NOL12: variants seen among roughly 807,000 people sequenced by gnomAD.
NOL12 encodes nucleolar protein 12.
A neutral mutation model predicts 25.2 loss-of-function variants in NOL12; 21 were observed. The ratio of observed to expected loss-of-function variants is 0.83; its 90% confidence interval spans 0.59 to 1.20. The LOEUF (loss-of-function observed/expected upper bound fraction) is 1.20, where lower values mean the gene tolerates loss of function less well. Ranked by LOEUF, NOL12 falls within the 50% of genes most tolerant of loss-of-function variation. The pLI is 0.00. For missense variants in NOL12, 286 were observed against 287.6 expected (o/e 0.99, Z 0.04); for synonymous variants, 133 against 113.8 (o/e 1.17, Z -1.08).
At chr22:37,688,706 A>G (rs1921928298) in intron 3 of NOL12, 144 bp from the exon 4 acceptor site, 1 of 780,130 alleles carries the variant, frequency 1.3e-6, no homozygotes, top group Non-Finnish European at 2.1e-6. Context: ...ATTCATCCAC[A>G]GACCAGGCTC....
Position 37,692,862 on chromosome 22 carries a change from C to T in NOL12, c.*1526C>T, listed in dbSNP as rs1278747056. 2.0e-5 allele frequency: 8 copies of T among 397,074 alleles called. No individual in the cohort carries two copies. Among genetic ancestry groups the T allele is most frequent in the Non-Finnish European group, 3.5e-5 (8 of 225,716 alleles). The allele number at this position is 397,074 out of a possible 1,614,324, so 24.6% of individuals were successfully genotyped here. On this transcript the variant is annotated 3_prime_UTR_variant, in exon 6 of 6. Coordinates refer to ENST00000359114, the MANE Select transcript of NOL12 (RefSeq NM_024313.3). ...CTGTACCTGGGAGTGGGCAGGCCCT[C>T]TCCCATGTCACCATCAAAACCCACT...
At chr22:37,687,074 C>T in intron 1 of NOL12, 2 of 985,386 alleles carry the variant, frequency 2.0e-6, no homozygotes, top group Non-Finnish European at 2.4e-6. Context: ...TGGGCATCAT[C>T]AGGAAACTCC....
In NOL12 at chr22:37,692,437, C is replaced by T; in HGVS notation, c.*1101C>T. ...CCAGAGTAGACCCTGCGGGTGCCAGCTAGAACTCCACAAGGGGCCATGTCT... is the reference window on the plus strand; with the variant it reads ...CCAGAGTAGACCCTGCGGGTGCCAGTTAGAACTCCACAAGGGGCCATGTCT... On this transcript the variant is annotated 3_prime_UTR_variant, in exon 6 of 6. Transcript: ENST00000359114. 2 of 398,646 alleles carry T rather than the reference C, an allele frequency of 5.0e-6. No individual in the cohort carries two copies. The highest frequency in any genetic ancestry group is 4.4e-6 in the Non-Finnish European group (1 of 226,086). The allele number at this position is 398,646 out of a possible 1,614,324, so 24.7% of individuals were successfully genotyped here. A position where few individuals can be genotyped will look rare whatever the true frequency, so the allele number is the denominator to read the frequency against.
In NOL12 at chr22:37,686,495, C is replaced by T. The variant is rs900398180; in HGVS notation, c.83+20C>T. On this transcript the variant is annotated intron_variant, in intron 1 of 5. Transcript: ENST00000359114. The stretch of plus-strand genomic sequence containing the variant: ...GAGGCGGTGAGTGGCAAAGCCGGAC[C>T]GGACTCCCCTCGAGCTGTTCTTCGC... 5 of 1,581,294 alleles carry T rather than the reference C, an allele frequency of 3.2e-6. No individual in the cohort carries two copies. Among genetic ancestry groups the T allele is most frequent in the East Asian group, 4.7e-5 (2 of 42,300 alleles).
chr22:37,689,537 A>C (rs896340626), intron 4 of NOL12, among the ~76,000 whole-genome samples: 2 of 151,664 alleles, frequency 1.3e-5, no homozygotes, highest in Non-Finnish European at 2.9e-5. Flanking sequence ...AATCAGCATA[A>C]AAAAAAAATA....
chr22:37,688,124 G>GTTTA (rs1390822580), intron 2 of NOL12, 109 bp downstream of exon 2: 15 of 1,122,224 alleles, frequency 1.3e-5, no homozygotes, highest in Non-Finnish European at 1.6e-5. Context: ...TGTGTGGGCA[G>GTTTA]GACTGGGGAA....
Position 37,687,940 on chromosome 22 carries a change from G to T in NOL12, c.114G>T (p.Lys38Asn). The change falls in exon 2 of 6, where the codon AAG (lysine) becomes AAT (asparagine). Residue 38 changes from lysine to asparagine, a missense_variant. Coordinates refer to ENST00000359114, the MANE Select transcript of NOL12 (RefSeq NM_024313.3). ...ACCTGACAGGCTTCCACAAGCGGAA[G>T]GTCGAGCGAAAGAAGGCAGCCATTG... Reference protein sequence around the residue: ...REYLTGFHKRKVERKKAAIEE... With the variant: ...REYLTGFHKRNVERKKAAIEE... 1 of 1,584,684 alleles carries T rather than the reference G, an allele frequency of 6.3e-7. No individual in the cohort carries two copies. The highest frequency in any genetic ancestry group is 8.6e-7 in the Non-Finnish European group (1 of 1,165,718).
At chr22:37,686,728 T>C (rs539188202) in intron 1 of NOL12, 2 of 985,318 alleles carry the variant, frequency 2.0e-6, no homozygotes, top group African/African-American at 1.7e-5. Context: ...CTCAGAGCAG[T>C]GGCTTCGACC....
chr22:37,688,058 G>A (rs759261391), intron 2 of NOL12, 43 bp downstream of exon 2: 2 of 1,490,370 alleles, frequency 1.3e-6, no homozygotes. Flanking sequence ...GATTCTTAGG[G>A]CACTTGCAGC....
intron 4 of NOL12, among the ~76,000 whole-genome samples, chr22:37,689,477 T>C (rs1452470679): frequency 6.6e-6 from 1 of 152,022 alleles, no homozygotes; most frequent in Non-Finnish European, 1.5e-5. Context: ...CACGTCTGTG[T>C]GCACTAAGTG....
Position 37,692,430 on chromosome 22 carries a change from G to A in NOL12, c.*1094G>A. 1 of 398,654 alleles carries A rather than the reference G, an allele frequency of 2.5e-6. No individual in the cohort carries two copies. Among genetic ancestry groups the A allele is most frequent in the Non-Finnish European group, 4.4e-6 (1 of 226,088 alleles). The allele number at this position is 398,654 out of a possible 1,614,324, so 24.7% of individuals were successfully genotyped here. On this transcript the variant is annotated 3_prime_UTR_variant, in exon 6 of 6. Transcript: ENST00000359114. ...GCCCCCACCAGAGTAGACCCTGCGG[G>A]TGCCAGCTAGAACTCCACAAGGGGC...
intron 3 of NOL12, 79 bp downstream of exon 3, chr22:37,688,439 G>A (rs895335890): frequency 6.4e-5 from 95 of 1,478,876 alleles, no homozygotes; most frequent in Non-Finnish European, 7.9e-5. Flanking sequence ...AGGGATAGAA[G>A]CTGACCTCCT....
rs1922092563 is a variant in NOL12 at position 37,692,054 on chromosome 22, A to C, written c.*718A>C. 1 of 153,708 alleles carries C rather than the reference A, an allele frequency of 6.5e-6. No individual in the cohort carries two copies. Among genetic ancestry groups the C allele is most frequent in the African/African-American group, 2.4e-5 (1 of 41,524 alleles). The allele number at this position is 153,708 out of a possible 1,614,324, so 9.5% of individuals were successfully genotyped here. A position where few individuals can be genotyped will look rare whatever the true frequency, so the allele number is the denominator to read the frequency against. On this transcript the variant is annotated 3_prime_UTR_variant, in exon 6 of 6. Transcript: ENST00000359114. Reference sequence around the variant, plus strand: ...GGGTCCCAACGTGGAAGGATTAATTAATTCTTTCTAAAGCAGTTGCAGCCG... The same window carrying C: ...GGGTCCCAACGTGGAAGGATTAATTCATTCTTTCTAAAGCAGTTGCAGCCG...
Position 37,691,445 on chromosome 22 carries a change from G to A in NOL12, c.*109G>A, listed in dbSNP as rs1375806023. ...CCTAGGTAATGACTGCACAGCTCAA[G>A]GTTGGGAAGCCAGGACCTCTCTGGC... On this transcript the variant is annotated 3_prime_UTR_variant, in exon 6 of 6. Transcript: ENST00000359114. 4 of 1,283,470 alleles carry A rather than the reference G, an allele frequency of 3.1e-6. No individual in the cohort carries two copies. The highest frequency in any genetic ancestry group is 4.1e-6 in the Non-Finnish European group (4 of 972,500). The allele number at this position is 1,283,470 out of a possible 1,614,324, so 79.5% of individuals were successfully genotyped here.
At position 37,688,033 on chromosome 22, in the gene NOL12, G is replaced by T. The variant is rs149705536; in HGVS notation, c.189+18G>T. On this transcript the variant is annotated intron_variant, in intron 2 of 5. Coordinates refer to ENST00000359114, the MANE Select transcript of NOL12 (RefSeq NM_024313.3). ...GGGAGGAGGTACGCAGGGGGAAGGT[G>T]GGAGGGAGGTCTTTGATTCTTAGGG... The T allele has an allele frequency of 2.6e-5, 39 of 1,518,858 alleles. 1 individual carries two copies. The African/African-American group carries it at 4.5e-4, about 18-fold the overall frequency. The allele number at this position is 1,518,858 out of a possible 1,614,324, so 94.1% of individuals were successfully genotyped here.
At chr22:37,687,094 T>C (rs4820295) in intron 1 of NOL12, 210,922 of 985,064 alleles carry the variant, frequency 0.21, 23,812 homozygotes, top group South Asian at 0.3. Flanking sequence ...CTAGCGTGCA[T>C]CAACAGGCCC....
At chr22:37,690,357 T>A (rs1922012449) in intron 4 of NOL12, among the ~76,000 whole-genome samples, 1 of 152,180 alleles carries the variant, frequency 6.6e-6, no homozygotes, top group African/African-American at 2.4e-5. Context: ...AAAACCATAC[T>A]GATCTCACAC....
chr22:37,686,951 G>T, intron 1 of NOL12: 1 of 985,438 alleles, frequency 1.0e-6, no homozygotes, highest in Non-Finnish European at 1.2e-6. Context: ...CATGGTAGCG[G>T]GTCAGCGAAA....
intron 1 of NOL12, chr22:37,687,240 C>A (rs945375414): frequency 6.7e-6 from 2 of 299,532 alleles, no homozygotes; most frequent in South Asian, 1.3e-4. Context: ...GAAGGGGTTA[C>A]CTCATGTACT....
Sources: gnomAD v4.1 joint callset for allele counts (sites outside exome capture counted in the v4.1 genomes callset) on GRCh38, gnomAD v4.1.1 for gene constraint, MANE v1.5 for transcripts, NCBI Gene and HGNC (gene_info 2026-07-23, HGNC 2026-07-21) for gene names.